The following MGA variants were observed in gnomAD, a reference collection of about 807,000 sequenced individuals.
MGA encodes the protein MAX dimerization protein MGA.
Under a neutral mutation model 261.1 loss-of-function variants are expected in MGA, and 40 were observed. The ratio of observed to expected loss-of-function variants is 0.15; its 90% CI spans 0.12 to 0.20. MGA has a LOEUF of 0.20. MGA is among the 10% of genes least tolerant of loss of function. The probability of loss-of-function intolerance (pLI) is 1.00; values close to 1 mark genes in which losing one functional copy is unlikely to be tolerated. For missense variants in MGA, 3,397 were observed against 3,630.5 expected (o/e 0.94, Z 1.65); for synonymous variants, 1,302 against 1,290.6 (o/e 1.01, Z -0.19).
At chr15:41,657,274 T>G (rs945242686), upstream of MGA, among the ~76,000 whole-genome samples, 2 of 151,448 alleles carry the variant, frequency 1.3e-5, no homozygotes, top group Non-Finnish European at 2.9e-5. Flanking sequence ...AAGGATGGAG[T>G]TGTCTATGAT....
intron 7 of MGA, among the ~76,000 whole-genome samples, chr15:41,708,927 G>A (rs952103462): frequency 6.6e-6 from 1 of 152,026 alleles, no homozygotes; most frequent in African/African-American, 2.4e-5. Context: ...CACTGCATTC[G>A]TTTGCAATTT....
chr15:41,719,293 A>G (rs893078034), intron 9 of MGA, among the ~76,000 whole-genome samples: 2 of 152,002 alleles, frequency 1.3e-5, no homozygotes, highest in Admixed American at 6.6e-5. Flanking sequence ...ATCAGAAGAC[A>G]CTCTTGGTAA....
At chr15:41,737,670 T>G (rs533205966) in intron 13 of MGA, among the ~76,000 whole-genome samples, 2 of 152,258 alleles carry the variant, frequency 1.3e-5, no homozygotes, top group East Asian at 3.9e-4. Flanking sequence ...ACGTTCTGAA[T>G]TAATGTCATA....
At chr15:41,644,768 CTTATT>C (rs2056902025) in intron 1 of MGA, among the ~76,000 whole-genome samples, 3 of 152,154 alleles carry the variant, frequency 2.0e-5, no homozygotes, top group Admixed American at 1.3e-4. Context: ...TTCAGTCCTC[CTTATT>C]TTATAAATGT....
intron 1 of MGA, among the ~76,000 whole-genome samples, chr15:41,625,143 A>T (rs576175338): frequency 6.6e-6 from 1 of 152,314 alleles, no homozygotes; most frequent in Admixed American, 6.5e-5. Context: ...CCCAGGCTCA[A>T]CAAAAGAGAA....
At chr15:41,680,321 T>C (rs2058599864) in intron 2 of MGA, among the ~76,000 whole-genome samples, 2 of 152,362 alleles carry the variant, frequency 1.3e-5, no homozygotes, top group African/African-American at 4.8e-5. Context: ...ATGTTACTAA[T>C]CTACTTAACT....
chr15:41,750,570 T>G lies in MGA; in HGVS notation c.6963T>G (p.Asp2321Glu). 6.2e-7 allele frequency: 1 copy of G among 1,611,398 alleles called. No homozygotes were observed. Among genetic ancestry groups the G allele is most frequent in the Non-Finnish European group, 8.5e-7 (1 of 1,178,656 alleles). The change falls in exon 17 of 24, where the codon GAT becomes GAG. Residue 2321 changes from aspartate to glutamate, a missense_variant. Physicochemically the swap from Asp to Glu is conservative, Grantham distance 45 (BLOSUM62 2). This residue lies in a region of MGA where 1,410 missense variants were observed against 1,386.4 expected (regional missense o/e 1.02). Coordinates refer to ENST00000219905, the MANE Select transcript of MGA (RefSeq NM_001164273.2). ...ATGATTCTATTGATGAAATTGTGGA[T>G]GTTGTTTCTGACTACCAGAGTGAGG...
intron 7 of MGA, among the ~76,000 whole-genome samples, chr15:41,709,488 A>C (rs1056351150): frequency 6.6e-6 from 1 of 151,838 alleles, no homozygotes; most frequent in African/African-American, 2.4e-5. Flanking sequence ...TCCATTGCCC[A>C]GGTTGGAGTG....
Position 41,767,361 on chromosome 15 carries a change from G to T in MGA, c.*81G>T. On this transcript the variant is annotated 3_prime_UTR_variant, in exon 24 of 24. Transcript: ENST00000219905. ...TTTCTCTGCAGGCATCTGTTTGTTTGTGTCTTAGAACTTGGATCCTTGACT... is the reference window on the plus strand; with the variant it reads ...TTTCTCTGCAGGCATCTGTTTGTTTTTGTCTTAGAACTTGGATCCTTGACT... 6.9e-7 allele frequency: 1 copy of T among 1,447,422 alleles called. No homozygotes were observed. Among genetic ancestry groups the T allele is most frequent in the Non-Finnish European group, 9.3e-7 (1 of 1,072,838 alleles). 89.7% of individuals were successfully genotyped at this position (1,447,422 alleles called of 1,614,324 possible).
intron 1 of MGA, among the ~76,000 whole-genome samples, chr15:41,652,690 T>C (rs183057896): frequency 2.6e-4 from 39 of 151,920 alleles, no homozygotes; most frequent in Admixed American, 2.6e-3. Context: ...GTTCCAGAGG[T>C]TTTTCTACAC....
chr15:41,708,479 G>A (rs1335475984), intron 7 of MGA, among the ~76,000 whole-genome samples: 3 of 152,082 alleles, frequency 2.0e-5, no homozygotes, highest in African/African-American at 4.8e-5. Context: ...CACCACGGCT[G>A]GCTAATTTTT....
intron 1 of MGA, among the ~76,000 whole-genome samples, chr15:41,621,853 C>T (rs2056298915): frequency 6.6e-6 from 1 of 152,150 alleles, no homozygotes; most frequent in Non-Finnish European, 1.5e-5. Flanking sequence ...AGCGGTCTTT[C>T]GAAGCGCGTG....
rs376389974 is a variant in MGA at position 41,766,360 on chromosome 15, G to A, written c.8278G>A (p.Glu2760Lys). ...GAGAGGGATTCAGTATAAATGGAAA[G>A]AGAGTGAATCAAGAGGGGAGAGAGT... Residue 2760 changes from glutamate (E) to lysine (K), a missense_variant, in exon 24 of 24, where the codon GAG (glutamate) becomes AAG (lysine). This residue lies in a region of MGA where 647 missense variants were observed against 642.4 expected (regional missense o/e 1.01). Coordinates refer to ENST00000219905, the MANE Select transcript of MGA (RefSeq NM_001164273.2). 1.1e-5 allele frequency: 18 copies of A among 1,613,818 alleles called. No individual in the cohort carries two copies. The highest frequency in any genetic ancestry group is 1.4e-5 in the Non-Finnish European group (16 of 1,179,854).
chr15:41,625,262 A>C (rs909102681), intron 1 of MGA, among the ~76,000 whole-genome samples: 1 of 152,138 alleles, frequency 6.6e-6, no homozygotes, highest in Non-Finnish European at 1.5e-5. Context: ...CAGAAACATG[A>C]TAAAGTTAAA....
At position 41,640,275 on chromosome 15, in the gene MGA, C is replaced by T. The variant is rs867475202; in HGVS notation, c.-68+18977C>T. ...TAAGGAGTAGTTGAGTATACAGCAGCAGGAAGAAGGAAAGCTGGGTCCAGA... is the reference window on the plus strand; with the variant it reads ...TAAGGAGTAGTTGAGTATACAGCAGTAGGAAGAAGGAAAGCTGGGTCCAGA... On this transcript the variant is annotated intron_variant, in intron 1 of 8. Coordinates refer to the MGA transcript ENST00000566718. Among the ~76,000 whole-genome samples, 16 of 152,164 alleles carry T rather than the reference C, an allele frequency of 1.1e-4. No homozygotes were observed. In the South Asian group the frequency reaches 2.5e-3, roughly 24 times the overall value.
At chr15:41,680,785 T>G (rs2058627783) in intron 2 of MGA, among the ~76,000 whole-genome samples, 2 of 152,140 alleles carry the variant, frequency 1.3e-5, no homozygotes, top group South Asian at 4.1e-4. Flanking sequence ...CCAGGAAGCT[T>G]TATTAAGCTT....
intron 15 of MGA, among the ~76,000 whole-genome samples, chr15:41,746,003 C>G (rs961612217): frequency 6.6e-6 from 1 of 152,158 alleles, no homozygotes; most frequent in Non-Finnish European, 1.5e-5. Context: ...ATTTTTTTCT[C>G]TATTTATAAA....
chr15:41,656,254 T>C (rs746331269), upstream of MGA, among the ~76,000 whole-genome samples: 1 of 151,744 alleles, frequency 6.6e-6, no homozygotes, highest in Non-Finnish European at 1.5e-5. Context: ...GCAATCTTCT[T>C]AGGCAAGGGT....
At chr15:41,699,304 GTC>G (rs2059712116) in intron 5 of MGA, 145 bp downstream of exon 5, 5 of 589,174 alleles carry the variant, frequency 8.5e-6, no homozygotes, top group Admixed American at 3.8e-5. Context: ...CTTTCAGCAC[GTC>G]TTTCAGTTTG....
Sources: gnomAD v4.1 joint callset for allele counts (sites outside exome capture counted in the v4.1 genomes callset) on GRCh38, gnomAD v4.1.1 for gene constraint, gnomAD v4.1.1 regional missense constraint, MANE v1.5 for transcripts, NCBI Gene and HGNC (gene_info 2026-07-23, HGNC 2026-07-21) for gene names.